HMCN2: variants seen among roughly 807,000 people sequenced by gnomAD.
HMCN2 encodes the protein hemicentin-2.
HMCN2 carries 325 observed loss-of-function variants against 377.5 expected under a neutral mutation model. That is an observed-to-expected ratio of 0.86 (90% CI 0.79 to 0.94). HMCN2 has a LOEUF of 0.94. Ranked by LOEUF, HMCN2 falls within the 40% of genes least tolerant of loss-of-function variation. The pLI, the probability that HMCN2 is intolerant of heterozygous loss-of-function variation, is 0.00. For synonymous variants in HMCN2, 2,007 were observed against 2,046.8 expected (o/e 0.98, Z 0.53); for missense variants, 4,543 against 4,725.3 (o/e 0.96, Z 1.13).
chr9:130,295,389 CAG>C (rs1836070856), intron 5 of HMCN2, among the ~76,000 whole-genome samples: 1 of 152,000 alleles, frequency 6.6e-6, no homozygotes, highest in Admixed American at 6.5e-5. Flanking sequence ...TCAACAGAGT[CAG>C]GGGAAGTGTG....
intron 16 of HMCN2, among the ~76,000 whole-genome samples, chr9:130,319,989 A>G (rs1837762089): frequency 6.6e-6 from 1 of 152,180 alleles, no homozygotes; most frequent in African/African-American, 2.4e-5. Context: ...TTCTTGCCAC[A>G]TGCTGTCACA....
chr9:130,283,171 T>C (rs1835222635), intron 1 of HMCN2, among the ~76,000 whole-genome samples: 1 of 152,262 alleles, frequency 6.6e-6, no homozygotes. Context: ...ATCCCCACTA[T>C]GCGCTTATCC....
chr9:130,423,684 G>A lies in HMCN2; in HGVS notation c.13381+958G>A, dbSNP rs866761859. Among the ~76,000 whole-genome samples, 16 of 152,326 alleles carry A rather than the reference G, an allele frequency of 1.1e-4. No individual in the cohort carries two copies. Among genetic ancestry groups the A allele is most frequent in the Admixed American group, 2.0e-4 (3 of 15,308 alleles). ...GACTCAGAGCAAGTGGGGAGCGGGT[G>A]TGTTCCCCTTGCCCAGTCCATGGCC... On this transcript the variant is annotated intron_variant, in intron 87 of 97. Transcript: ENST00000683500. This position sits in a 1 kb window ranked among gnomAD's most constrained non-coding sequence, Gnocchi z 5.5.
At chr9:130,271,465 T>C (rs1376737499) in intron 1 of HMCN2, among the ~76,000 whole-genome samples, 1 of 149,314 alleles carries the variant, frequency 6.7e-6, no homozygotes, top group African/African-American at 2.4e-5. Flanking sequence ...TTTTATACTT[T>C]GTGTTATGAT....
intron 82 of HMCN2, 98 bp from the exon 83 acceptor site, chr9:130,407,473 G>A (rs1007106918): frequency 2.7e-6 from 3 of 1,111,692 alleles, no homozygotes; most frequent in South Asian, 1.4e-5. Context: ...ACTCCCATCT[G>A]TTTCTGCATT....
intron 80 of HMCN2, among the ~76,000 whole-genome samples, 168 bp downstream of exon 80, chr9:130,404,043 T>C (rs925579194): frequency 6.6e-6 from 1 of 152,226 alleles, no homozygotes; most frequent in African/African-American, 2.4e-5. Context: ...CAGACATAAA[T>C]TCCCATCCCC....
chr9:130,430,953 G>T, intron 95 of HMCN2: 1 of 373,704 alleles, frequency 2.7e-6, no homozygotes, highest in Non-Finnish European at 4.8e-6. Flanking sequence ...AGATTTTCAG[G>T]GGTGAAGGAG....
chr9:130,401,546 C>T (rs1842855113), intron 77 of HMCN2, among the ~76,000 whole-genome samples: 2 of 152,120 alleles, frequency 1.3e-5, no homozygotes, highest in Admixed American at 1.3e-4. Flanking sequence ...TGGTCTTGAA[C>T]TCCTGACCTC....
At chr9:130,356,921 G>A (rs1840053500) in intron 34 of HMCN2, among the ~76,000 whole-genome samples, 1 of 152,030 alleles carries the variant, frequency 6.6e-6, no homozygotes, top group African/African-American at 2.4e-5. Context: ...TGGGTGGGTG[G>A]ATGAATGGGT....
chr9:130,267,828 G>A (rs1834206196), intron 1 of HMCN2, among the ~76,000 whole-genome samples: 2 of 152,218 alleles, frequency 1.3e-5, no homozygotes, highest in Non-Finnish European at 2.9e-5. Context: ...CAAGCTGGGG[G>A]TTGTGAGGAG....
chr9:130,364,704 C>G lies in HMCN2; in HGVS notation c.6233-10C>G. 1.0e-6 allele frequency: 1 copy of G among 985,988 alleles called. No individual in the cohort carries two copies. 61.1% of individuals were successfully genotyped at this position (985,988 alleles called of 1,614,324 possible). ...GCCTGAGGGAGCCCTTCTCCTGCCC[C>G]CTCCTGCAGTGCCCCCGAGTATCCT... is the stretch of plus-strand genomic sequence containing the variant. On this transcript the variant is annotated splice_polypyrimidine_tract_variant and intron_variant, in intron 40 of 97. Coordinates refer to ENST00000683500, the MANE Select transcript of HMCN2 (RefSeq NM_001291815.2).
intron 31 of HMCN2, among the ~76,000 whole-genome samples, chr9:130,354,492 T>C (rs1351711668): frequency 6.6e-6 from 1 of 152,124 alleles, no homozygotes; most frequent in East Asian, 1.9e-4. Context: ...AGGCCGGCCG[T>C]CTTTCCACTC....
chr9:130,412,144 G>C (rs999416936), intron 85 of HMCN2, among the ~76,000 whole-genome samples: 1 of 152,096 alleles, frequency 6.6e-6, no homozygotes, highest in Non-Finnish European at 1.5e-5. Flanking sequence ...GCTAATTTTT[G>C]TATTTTTAGT....
chr9:130,427,651 G>A (rs571863116), intron 92 of HMCN2, 32 bp downstream of exon 92: 212 of 1,539,854 alleles, frequency 1.4e-4, no homozygotes, highest in Non-Finnish European at 1.7e-4. Flanking sequence ...GGGAGGAGAC[G>A]CGCTCCTCAG....
chr9:130,313,472 G>A lies in HMCN2; in HGVS notation c.2350+3411G>A, dbSNP rs1032257278. Among the ~76,000 whole-genome samples the A allele has an allele frequency of 2.6e-5, 4 of 152,206 alleles. No individual in the cohort carries two copies. In the East Asian group the frequency reaches 5.8e-4, roughly 22 times the overall value. On this transcript the variant is annotated intron_variant, in intron 15 of 97. Transcript: ENST00000683500. ...TATTTGCCTGCATTATTTGCCTCTCGGAGCCTCACTTTCCTCGTCTGTGAA... is the reference window on the plus strand; with the variant it reads ...TATTTGCCTGCATTATTTGCCTCTCAGAGCCTCACTTTCCTCGTCTGTGAA...
intron 15 of HMCN2, among the ~76,000 whole-genome samples, chr9:130,315,807 C>T (rs1837535230): frequency 6.6e-6 from 1 of 152,130 alleles, no homozygotes; most frequent in Non-Finnish European, 1.5e-5. Context: ...CCTCTCGTGG[C>T]CTTTCCTTGG....
chr9:130,279,633 G>A (rs1554924931), intron 1 of HMCN2, among the ~76,000 whole-genome samples: 1 of 152,172 alleles, frequency 6.6e-6, no homozygotes, highest in Non-Finnish European at 1.5e-5. Context: ...TATTACAGGC[G>A]TGAGCCACCG....
rs1200339171 is a variant in HMCN2 at position 130,394,650 on chromosome 9, G to A, written c.10692+75G>A. The A allele has an allele frequency of 3.5e-6, 4 of 1,143,974 alleles. No homozygotes were observed. In the Admixed American group the frequency reaches 8.7e-5, roughly 25 times the overall value. 70.9% of individuals were successfully genotyped at this position (1,143,974 alleles called of 1,614,324 possible). A position where few individuals can be genotyped will look rare whatever the true frequency, so the allele number is the denominator to read the frequency against. On this transcript the variant is annotated intron_variant, in intron 69 of 97. Transcript: ENST00000683500. The surrounding 1 kb of genome is among the most constrained non-coding windows in gnomAD (Gnocchi z 5.1). ...AGGGACTGCAGGTTCCCCAGACCCAGTGGGCAGTTGACAAAGTTGGGCTGA... is the reference window on the plus strand; with the variant it reads ...AGGGACTGCAGGTTCCCCAGACCCAATGGGCAGTTGACAAAGTTGGGCTGA...
chr9:130,278,668 T>C (rs1191458872), intron 1 of HMCN2, among the ~76,000 whole-genome samples: 2 of 151,514 alleles, frequency 1.3e-5, no homozygotes, highest in Admixed American at 6.6e-5. Flanking sequence ...CTGCAACCTC[T>C]GCCTCCTGGG....
Sources: gnomAD v4.1 joint callset for allele counts (sites outside exome capture counted in the v4.1 genomes callset) on GRCh38, gnomAD v4.1.1 for gene constraint, Gnocchi (gnomAD v3.1) non-coding constraint, MANE v1.5 for transcripts, NCBI Gene and HGNC (gene_info 2026-07-23, HGNC 2026-07-21) for gene names.